Variants in PDZRN4 observed in about 807,000 individuals in gnomAD.
PDZRN4 encodes PDZ domain-containing RING finger protein 4.
Under a neutral mutation model 99.0 loss-of-function variants are expected in PDZRN4, and 70 were observed. The ratio of observed to expected loss-of-function variants is 0.71; its 90% CI spans 0.58 to 0.86. PDZRN4 has a LOEUF of 0.86. Among genes scored for constraint, PDZRN4 ranks in the 40% least tolerant of loss-of-function variants. The probability of loss-of-function intolerance (pLI) is 0.00; values close to 1 mark genes in which losing one functional copy is unlikely to be tolerated. For synonymous variants in PDZRN4, 551 were observed against 501.6 expected (o/e 1.10, Z -1.32); for missense variants, 1,474 against 1,331.2 (o/e 1.11, Z -1.67).
chr12:41,547,679 T>G (rs531793964), intron 5 of PDZRN4, among the ~76,000 whole-genome samples: 1 of 152,256 alleles, frequency 6.6e-6, no homozygotes, highest in Non-Finnish European at 1.5e-5. Flanking sequence ...ACTTCTCACT[T>G]ACTTCAATTT....
At chr12:41,395,946 G>A (rs958339146) in intron 3 of PDZRN4, among the ~76,000 whole-genome samples, 1 of 151,920 alleles carries the variant, frequency 6.6e-6, no homozygotes, top group Non-Finnish European at 1.5e-5. Flanking sequence ...TTCTCAGAAG[G>A]CATTTTTTTA....
intron 3 of PDZRN4, among the ~76,000 whole-genome samples, chr12:41,257,557 G>T (rs1244654636): frequency 1.3e-5 from 2 of 152,184 alleles, no homozygotes; most frequent in African/African-American, 4.8e-5. Flanking sequence ...CTTAGAGGAA[G>T]AAGAAAAGAG....
chr12:41,401,870 C>G (rs1952291185), intron 3 of PDZRN4, among the ~76,000 whole-genome samples: 1 of 151,806 alleles, frequency 6.6e-6, no homozygotes, highest in East Asian at 2.0e-4. Context: ...ATGATTCCCC[C>G]TCTTCGTTGT....
At chr12:41,433,885 A>T (rs978333720) in intron 3 of PDZRN4, among the ~76,000 whole-genome samples, 3 of 152,218 alleles carry the variant, frequency 2.0e-5, no homozygotes, top group African/African-American at 7.2e-5. Flanking sequence ...TATAACAAAA[A>T]TATAGAAAAC....
chr12:41,197,921 T>G, intron 3 of PDZRN4, among the ~76,000 whole-genome samples: 1 of 131,200 alleles, frequency 7.6e-6, no homozygotes, highest in East Asian at 2.5e-4. Flanking sequence ...TTTTTCTGGG[T>G]TTTTTTTTTT....
chr12:41,517,595 C>G (rs905962090), intron 5 of PDZRN4, among the ~76,000 whole-genome samples: 4 of 152,062 alleles, frequency 2.6e-5, no homozygotes, highest in African/African-American at 4.8e-5. Flanking sequence ...AGTGTGGCCC[C>G]AGTTCTAGAT....
At chr12:41,291,368 T>C (rs1951455821) in intron 3 of PDZRN4, among the ~76,000 whole-genome samples, 1 of 152,192 alleles carries the variant, frequency 6.6e-6, no homozygotes, top group Admixed American at 6.5e-5. Flanking sequence ...CATGGTAGCA[T>C]TTCTTGGATG....
chr12:41,573,008 G>A lies in PDZRN4; in HGVS notation c.2229G>A (p.Glu743=), dbSNP rs756579875. The A allele has an allele frequency of 3.1e-6, 5 of 1,614,128 alleles. No individual in the cohort carries two copies. The highest frequency in any genetic ancestry group is 4.2e-6 in the Non-Finnish European group (5 of 1,180,008). Reference sequence around the variant, plus strand: ...GTTCTAGTGCTTACAACACAGCTGAGAGCTGCAGAAGTACTCCGCTCACTG... The same window carrying A: ...GTTCTAGTGCTTACAACACAGCTGAAAGCTGCAGAAGTACTCCGCTCACTG... ...KDSSSAYNTA[E]SCRSTPLTVD... The change falls in exon 10 of 10, where the codon GAG becomes GAA. Residue 743 remains glutamate, a synonymous_variant. Transcript: ENST00000402685.
intron 3 of PDZRN4, among the ~76,000 whole-genome samples, chr12:41,438,245 A>G (rs895766653): frequency 1.3e-5 from 2 of 152,154 alleles, no homozygotes; most frequent in African/African-American, 4.8e-5. Flanking sequence ...TTGTGTATCT[A>G]CTGCCAAGAT....
chr12:41,290,651 T>A (rs1472070429), intron 3 of PDZRN4, among the ~76,000 whole-genome samples: 1 of 152,124 alleles, frequency 6.6e-6, no homozygotes, highest in Non-Finnish European at 1.5e-5. Flanking sequence ...TGAGCTTTCA[T>A]AGAATAATAA....
chr12:41,499,220 G>A (rs1938067384), intron 3 of PDZRN4, among the ~76,000 whole-genome samples: 1 of 152,032 alleles, frequency 6.6e-6, no homozygotes, highest in Non-Finnish European at 1.5e-5. Flanking sequence ...CAAAAAAACA[G>A]TAGAGATCCT....
At chr12:41,564,647 C>T (rs1939332814) in intron 8 of PDZRN4, among the ~76,000 whole-genome samples, 1 of 152,038 alleles carries the variant, frequency 6.6e-6, no homozygotes, top group South Asian at 2.1e-4. Context: ...TGCCCTTGCC[C>T]ATTCTAAATG....
chr12:41,295,308 A>T (rs1478008665), intron 3 of PDZRN4, among the ~76,000 whole-genome samples: 1 of 152,210 alleles, frequency 6.6e-6, no homozygotes, highest in Non-Finnish European at 1.5e-5. Context: ...TCAATTACAA[A>T]GAGTTCCCAT....
chr12:41,311,075 T>A (rs1381703799), intron 3 of PDZRN4, among the ~76,000 whole-genome samples: 1 of 152,116 alleles, frequency 6.6e-6, no homozygotes, highest in Non-Finnish European at 1.5e-5. Flanking sequence ...CACCAAATCA[T>A]CAAAAATAGA....
At chr12:41,240,815 G>C (rs543698977) in intron 3 of PDZRN4, among the ~76,000 whole-genome samples, 1 of 152,148 alleles carries the variant, frequency 6.6e-6, no homozygotes, top group African/African-American at 2.4e-5. Context: ...ATTCATAAGG[G>C]CAAAGCCCTT....
intron 3 of PDZRN4, among the ~76,000 whole-genome samples, chr12:41,496,406 G>C (rs1194760609): frequency 1.3e-5 from 2 of 152,056 alleles, no homozygotes; most frequent in Non-Finnish European, 1.5e-5. Context: ...ACTCTGAGTG[G>C]ATATTATTAT....
At chr12:41,539,714 T>C (rs1366772468) in intron 5 of PDZRN4, among the ~76,000 whole-genome samples, 1 of 152,186 alleles carries the variant, frequency 6.6e-6, no homozygotes, top group Non-Finnish European at 1.5e-5. Context: ...TAATCTTCCT[T>C]TTATGTTTTC....
chr12:41,454,247 C>T (rs1189792821), intron 3 of PDZRN4, among the ~76,000 whole-genome samples: 2 of 152,168 alleles, frequency 1.3e-5, no homozygotes, highest in African/African-American at 4.8e-5. Context: ...ATACTCACAA[C>T]ACATTTGTTT....
intron 3 of PDZRN4, among the ~76,000 whole-genome samples, chr12:41,298,945 T>A (rs1300758856): frequency 6.6e-6 from 1 of 152,130 alleles, no homozygotes; most frequent in East Asian, 1.9e-4. Flanking sequence ...GCCCCAACAA[T>A]CTGTTGTGTG....
Sources: allele counts gnomAD v4.1 joint callset (sites outside exome capture counted in the v4.1 genomes callset), GRCh38; gene constraint gnomAD v4.1.1; transcripts MANE v1.5; gene names NCBI Gene and HGNC (gene_info 2026-07-23, HGNC 2026-07-21).